The following SLC9A9 variants were observed in gnomAD, a reference collection of about 807,000 sequenced individuals.
SLC9A9 encodes the protein sodium/hydrogen exchanger 9.
Under a neutral mutation model 77.8 loss-of-function variants are expected in SLC9A9, and 62 were observed. The observed-to-expected ratio is 0.80, with a 90% CI of 0.65 to 0.98. The LOEUF is 0.98. SLC9A9 is among the 50% of genes least tolerant of loss of function. The pLI, the probability that SLC9A9 is intolerant of heterozygous loss-of-function variation, is 0.00. For missense variants in SLC9A9, 775 were observed against 774.9 expected (o/e 1.00, Z 0.00); for synonymous variants, 320 against 283.5 (o/e 1.13, Z -1.29).
At chr3:143,503,871 C>T (rs1276521442) in intron 9 of SLC9A9, 1 of 357,204 alleles carries the variant, frequency 2.8e-6, no homozygotes, top group Non-Finnish European at 5.5e-6. Context: ...TCATGATTTA[C>T]ATCCATCATG....
Position 143,796,951 on chromosome 3 carries a change from C to A in SLC9A9, c.379-48G>T. ...TAGTTAGAATGATGCTCCTTTGGGT[C>A]ATTAAAAAAACATGTTTCAAAAAAC... On this transcript the variant is annotated intron_variant, in intron 2 of 15. Transcript: ENST00000316549. 4 of 1,455,610 alleles carry A rather than the reference C, an allele frequency of 2.7e-6. No homozygotes were observed. The South Asian group carries it at 3.5e-5, about 13-fold the overall frequency. The allele number at this position is 1,455,610 out of a possible 1,614,324, so 90.2% of individuals were successfully genotyped here. A position where few individuals can be genotyped will look rare whatever the true frequency, so the allele number is the denominator to read the frequency against.
At chr3:143,743,375 G>T (rs1935130157) in intron 4 of SLC9A9, among the ~76,000 whole-genome samples, 1 of 152,088 alleles carries the variant, frequency 6.6e-6, no homozygotes, top group Admixed American at 6.6e-5. Flanking sequence ...ACCCTGGAAT[G>T]CCCATATCAC....
At chr3:143,467,716 C>T (rs2035306630) in intron 11 of SLC9A9, among the ~76,000 whole-genome samples, 2 of 105,426 alleles carry the variant, frequency 1.9e-5, no homozygotes, top group African/African-American at 5.9e-5. Context: ...CAGAATAAGT[C>T]CCTGGCTCTA....
chr3:143,354,295 T>C lies in SLC9A9; in HGVS notation c.1604+9189A>G, dbSNP rs150411116. On this transcript the variant is annotated intron_variant, in intron 14 of 15. Transcript: ENST00000316549. The stretch of plus-strand genomic sequence containing the variant: ...AATAGCATTTATTTCTTCAACAGGC[T>C]TTTCCTCTATTAACCACCAGCATAA... 3.6e-3 allele frequency among the ~76,000 whole-genome samples: 551 copies of C among 152,338 alleles called. 4 individuals are homozygous for C. Among genetic ancestry groups the C allele is most frequent in the African/African-American group, 0.013 (530 of 41,580 alleles).
intron 2 of SLC9A9, among the ~76,000 whole-genome samples, chr3:143,805,934 A>G (rs1288596358): frequency 6.6e-6 from 1 of 152,202 alleles, no homozygotes; most frequent in Non-Finnish European, 1.5e-5. Context: ...GAAAGAAATG[A>G]TGTAGAAATT....
At chr3:143,517,518 A>T in intron 9 of SLC9A9, 1 of 1,597,526 alleles carries the variant, frequency 6.3e-7, no homozygotes, top group Non-Finnish European at 8.5e-7. Context: ...TTTCGCTCAT[A>T]CTTTCTCCGA....
At chr3:143,741,592 G>C (rs1241784445) in intron 4 of SLC9A9, among the ~76,000 whole-genome samples, 2 of 152,154 alleles carry the variant, frequency 1.3e-5, no homozygotes, top group Admixed American at 6.5e-5. Flanking sequence ...TCCTTACAAA[G>C]AGTACACTAT....
intron 1 of SLC9A9, among the ~76,000 whole-genome samples, chr3:143,840,107 T>C (rs2009668544): frequency 6.6e-6 from 1 of 152,200 alleles, no homozygotes; most frequent in South Asian, 2.1e-4. Context: ...AAAACACAGT[T>C]TACCGGGCCG....
chr3:143,501,435 T>A (rs2035921913), intron 9 of SLC9A9, among the ~76,000 whole-genome samples: 1 of 150,838 alleles, frequency 6.6e-6, no homozygotes, highest in African/African-American at 2.5e-5. Context: ...GAAAGTTATA[T>A]AAAATTTCTT....
chr3:143,764,971 T>TTTCC (rs139347757), intron 4 of SLC9A9, among the ~76,000 whole-genome samples: 6,223 of 147,300 alleles, frequency 0.042, 176 homozygotes, highest in Middle Eastern at 0.097. Context: ...TTTCTCTTTC[T>TTTCC]TTCCTTCCTT....
intron 3 of SLC9A9, among the ~76,000 whole-genome samples, chr3:143,796,409 A>T (rs148891814): frequency 6.6e-6 from 1 of 152,236 alleles, no homozygotes; most frequent in Non-Finnish European, 1.5e-5. Flanking sequence ...AGCTACATTA[A>T]AATGTTTTTA....
chr3:143,498,003 G>A lies in SLC9A9; in HGVS notation c.1090-2555C>T, dbSNP rs187591975. Among the ~76,000 whole-genome samples the A allele has an allele frequency of 2.2e-3, 331 of 152,224 alleles. 1 individual carries two copies. Among genetic ancestry groups the A allele is most frequent in the African/African-American group, 7.7e-3 (320 of 41,536 alleles). ...ATTGAGATGTGATGGGAATCTTTGC[G>A]CTACATTTTACATGGAGGCCCATAA... On this transcript the variant is annotated intron_variant, in intron 9 of 15. Coordinates refer to ENST00000316549, the MANE Select transcript of SLC9A9 (RefSeq NM_173653.4).
chr3:143,659,747 A>G (rs147798161), intron 5 of SLC9A9, among the ~76,000 whole-genome samples: 16 of 152,306 alleles, frequency 1.1e-4, no homozygotes, highest in Non-Finnish European at 2.1e-4. Flanking sequence ...TTGCATGCCA[A>G]AAGGAGTTTT....
chr3:143,483,553 C>A (rs528177787), intron 11 of SLC9A9, among the ~76,000 whole-genome samples: 5 of 152,072 alleles, frequency 3.3e-5, no homozygotes, highest in African/African-American at 4.8e-5. Context: ...AATTTTGAGG[C>A]CTTTTTAAAG....
chr3:143,409,231 C>CA (rs2034046467), intron 12 of SLC9A9, among the ~76,000 whole-genome samples: 1 of 152,192 alleles, frequency 6.6e-6, no homozygotes, highest in Admixed American at 6.5e-5. Context: ...TAATATCCTT[C>CA]TATTTATTCT....
chr3:143,574,246 T>G, intron 7 of SLC9A9, 53 bp from the exon 8 acceptor site: 1 of 1,416,186 alleles, frequency 7.1e-7, no homozygotes, highest in Non-Finnish European at 9.9e-7. Context: ...CTACATCTCC[T>G]TCTTGGCTGA....
intron 11 of SLC9A9, among the ~76,000 whole-genome samples, chr3:143,485,072 A>C (rs1368653222): frequency 1.4e-4 from 22 of 152,266 alleles, no homozygotes; most frequent in Non-Finnish European, 3.2e-4. Context: ...TTCTTAGCAT[A>C]GTAGCAAGTC....
intron 11 of SLC9A9, among the ~76,000 whole-genome samples, chr3:143,485,534 T>A (rs1022325088): frequency 2.6e-5 from 4 of 152,092 alleles, no homozygotes. Flanking sequence ...TATGTTTCTA[T>A]CTCAGGCTGA....
At chr3:143,616,105 G>A (rs1441906902) in intron 6 of SLC9A9, among the ~76,000 whole-genome samples, 1 of 151,890 alleles carries the variant, frequency 6.6e-6, no homozygotes, top group Non-Finnish European at 1.5e-5. Context: ...GGATGGTCTC[G>A]ACCTCCTGAC....
Sources: gnomAD v4.1 joint callset for allele counts (sites outside exome capture counted in the v4.1 genomes callset) on GRCh38, gnomAD v4.1.1 for gene constraint, MANE v1.5 for transcripts, NCBI Gene and HGNC (gene_info 2026-07-23, HGNC 2026-07-21) for gene names.